The following ERC2 variants were observed in gnomAD, a reference collection of about 807,000 sequenced individuals.
The protein encoded by ERC2 is ELKS/RAB6-interacting/CAST family member 2.
ERC2 carries 42 observed loss-of-function variants against 114.8 expected under a neutral mutation model. The ratio of observed to expected loss-of-function variants is 0.37; its 90% CI spans 0.29 to 0.47. The LOEUF (loss-of-function observed/expected upper bound fraction) is 0.47. Ranked by LOEUF, ERC2 falls within the 20% of genes least tolerant of loss-of-function variation. The pLI is 0.99. For synonymous variants in ERC2, 454 were observed against 425.5 expected (o/e 1.07, Z -0.82); for missense variants, 939 against 1,150.7 (o/e 0.82, Z 2.66).
intron 1 of ERC2, among the ~76,000 whole-genome samples, chr3:56,452,650 A>G (rs1023922060): frequency 6.6e-6 from 1 of 152,212 alleles, no homozygotes; most frequent in African/African-American, 2.4e-5. Context: ...AAAAGATATC[A>G]TCTAAGTCTG....
intron 4 of ERC2, among the ~76,000 whole-genome samples, chr3:56,161,731 T>C (rs2082058582): frequency 6.6e-6 from 1 of 152,182 alleles, no homozygotes; most frequent in Non-Finnish European, 1.5e-5. Flanking sequence ...ATGTTACTGA[T>C]TTTATTACAT....
chr3:56,146,317 G>A (rs1367695346), intron 5 of ERC2, among the ~76,000 whole-genome samples: 9 of 151,838 alleles, frequency 5.9e-5, no homozygotes, highest in Non-Finnish European at 1.3e-4. Flanking sequence ...ACCAAGTAGG[G>A]GAATTAAGAA....
intron 2 of ERC2, among the ~76,000 whole-genome samples, chr3:56,328,001 T>A (rs57505083): frequency 0.014 from 2,202 of 152,278 alleles, 54 homozygotes; most frequent in African/African-American, 0.048. Flanking sequence ...GTGAATAAGG[T>A]CTAGCCTTCA....
intron 13 of ERC2, among the ~76,000 whole-genome samples, chr3:55,889,088 T>C (rs2063491729): frequency 6.6e-6 from 1 of 152,224 alleles, no homozygotes; most frequent in Non-Finnish European, 1.5e-5. Context: ...AACCTCTGTT[T>C]GGCAAAAGTC....
chr3:56,166,427 T>C (rs1200969869), intron 4 of ERC2, among the ~76,000 whole-genome samples: 1 of 151,874 alleles, frequency 6.6e-6, no homozygotes, highest in Non-Finnish European at 1.5e-5. Flanking sequence ...TCTAGAAGAG[T>C]TTCTGTATGA....
chr3:55,955,061 T>C (rs1016269805), intron 12 of ERC2: 1 of 447,630 alleles, frequency 2.2e-6, no homozygotes, highest in Admixed American at 2.4e-5. Context: ...ATATAAATAA[T>C]ACATATAGTC....
intron 17 of ERC2, among the ~76,000 whole-genome samples, chr3:55,605,559 G>C (rs929827068): frequency 6.6e-6 from 1 of 152,188 alleles, no homozygotes; most frequent in Non-Finnish European, 1.5e-5. Context: ...AAAGGAAATA[G>C]ATCATTGTGA....
At chr3:55,785,091 T>C (rs1301872015) in intron 14 of ERC2, among the ~76,000 whole-genome samples, 1 of 152,174 alleles carries the variant, frequency 6.6e-6, no homozygotes, top group Non-Finnish European at 1.5e-5. Context: ...CAGGAAAGAC[T>C]TCTTGCAAAA....
At chr3:55,812,232 C>A (rs968057792) in intron 14 of ERC2, among the ~76,000 whole-genome samples, 1 of 152,226 alleles carries the variant, frequency 6.6e-6, no homozygotes, top group Non-Finnish European at 1.5e-5. Context: ...AGACCTTCAG[C>A]AGCTAGCAAG....
intron 14 of ERC2, among the ~76,000 whole-genome samples, chr3:55,796,608 T>C (rs2070517181): frequency 6.6e-6 from 1 of 152,152 alleles, no homozygotes; most frequent in Non-Finnish European, 1.5e-5. Context: ...GTATTTTTAG[T>C]AGAGATGGGG....
chr3:56,308,010 T>TA (rs1446424030), intron 2 of ERC2, among the ~76,000 whole-genome samples: 1 of 152,200 alleles, frequency 6.6e-6, no homozygotes, highest in African/African-American at 2.4e-5. Context: ...TGCTTAGCTA[T>TA]AGCTAGATTG....
intron 17 of ERC2, among the ~76,000 whole-genome samples, chr3:55,544,374 A>G (rs577706886): frequency 6.6e-6 from 1 of 152,050 alleles, no homozygotes; most frequent in Non-Finnish European, 1.5e-5. Context: ...TTAGTGACTG[A>G]TGTGCCATTT....
intron 13 of ERC2, among the ~76,000 whole-genome samples, chr3:55,891,437 A>ATTTTTTTT (rs869073962): frequency 4.6e-5 from 4 of 86,960 alleles, no homozygotes; most frequent in East Asian, 5.0e-4. Flanking sequence ...GTCTGGTTCT[A>ATTTTTTTT]TTTTTTTTTT....
intron 3 of ERC2, among the ~76,000 whole-genome samples, chr3:56,205,990 T>G (rs552385423): frequency 6.6e-6 from 1 of 152,318 alleles, no homozygotes; most frequent in South Asian, 2.1e-4. Flanking sequence ...TAGCAACTGT[T>G]ACTCACCGTT....
In ERC2 at chr3:56,432,651, T is replaced by C. The variant is rs144897372; in HGVS notation, c.657+1700A>G. 1.8e-3 allele frequency among the ~76,000 whole-genome samples: 276 copies of C among 152,344 alleles called. 3 individuals are homozygous for C. The South Asian group carries it at 0.024, about 13-fold the overall frequency. On this transcript the variant is annotated intron_variant, in intron 2 of 17. Transcript: ENST00000288221. ...GGCAGATTTTCCTATAGATCACAAATGCTTCTACAGGCGCTTAAACTCCAA... is the reference window on the plus strand; with the variant it reads ...GGCAGATTTTCCTATAGATCACAAACGCTTCTACAGGCGCTTAAACTCCAA...
intron 17 of ERC2, among the ~76,000 whole-genome samples, chr3:55,553,745 T>A (rs113831304): frequency 0.13 from 19,701 of 151,244 alleles, 1,695 homozygotes; most frequent in South Asian, 0.28. Context: ...GCGCCACTGC[T>A]CTCCAGCCTG....
At chr3:56,274,896 C>T (rs952501554) in intron 3 of ERC2, among the ~76,000 whole-genome samples, 3 of 152,196 alleles carry the variant, frequency 2.0e-5, no homozygotes, top group Admixed American at 1.3e-4. Flanking sequence ...TTATCCTTAA[C>T]TTGTATAACC....
intron 1 of ERC2, among the ~76,000 whole-genome samples, chr3:56,463,738 C>A (rs1464447693): frequency 6.6e-6 from 1 of 152,138 alleles, no homozygotes; most frequent in Non-Finnish European, 1.5e-5. Context: ...TCCATGTGTG[C>A]CCCTACATTT....
intron 15 of ERC2, among the ~76,000 whole-genome samples, chr3:55,710,982 CT>C (rs565867838): frequency 2.0e-5 from 3 of 152,314 alleles, no homozygotes; most frequent in African/African-American, 7.2e-5. Flanking sequence ...GTCCTTGCCC[CT>C]GGCCGTCTTC....
Sources: allele counts gnomAD v4.1 joint callset (sites outside exome capture counted in the v4.1 genomes callset), GRCh38; gene constraint gnomAD v4.1.1; transcripts MANE v1.5; gene names NCBI Gene and HGNC (gene_info 2026-07-23, HGNC 2026-07-21).